Variants in CSMD2 observed in about 807,000 individuals in gnomAD.
The protein encoded by CSMD2 is CUB and Sushi multiple domains 2.
CSMD2 carries 130 observed loss-of-function variants against 398.5 expected under a neutral mutation model. The observed-to-expected ratio is 0.33, with a 90% CI of 0.28 to 0.38. The LOEUF (loss-of-function observed/expected upper bound fraction) is 0.38. Ranked by LOEUF, CSMD2 falls within the 10% of genes least tolerant of loss-of-function variation. The pLI is 1.00. For synonymous variants in CSMD2, 1,828 were observed against 1,908.5 expected, an observed-to-expected ratio of 0.96 and a Z score of 1.10; for missense variants, 3,829 against 4,764.9, an observed-to-expected ratio of 0.80 and a Z score of 5.78.
intron 48 of CSMD2, 103 bp downstream of exon 48, chr1:33,580,650 G>A (rs1346589558): frequency 3.1e-6 from 4 of 1,274,920 alleles, no homozygotes; most frequent in Non-Finnish European, 3.3e-6. Flanking sequence ...TTAGCTTCAG[G>A]TGAGGCAGAT....
At position 33,926,280 on chromosome 1, in the gene CSMD2, C is replaced by T. The variant is rs530700244; in HGVS notation, c.713-7979G>A. On this transcript the variant is annotated intron_variant, in intron 4 of 70. Transcript: ENST00000373381. Reference sequence around the variant, plus strand: ...GTTCCCAAGGTCACATAGGGAGTGGCTGAGTCAAGATTTCAGTTGAGTGTC... The same window carrying T: ...GTTCCCAAGGTCACATAGGGAGTGGTTGAGTCAAGATTTCAGTTGAGTGTC... 3.3e-5 allele frequency among the ~76,000 whole-genome samples: 5 copies of T among 152,306 alleles called. No individual in the cohort carries two copies. In the East Asian group the frequency reaches 7.7e-4, roughly 24 times the overall value.
chr1:33,811,705 T>C (rs1362108875), intron 9 of CSMD2, among the ~76,000 whole-genome samples: 1 of 152,220 alleles, frequency 6.6e-6, no homozygotes, highest in African/African-American at 2.4e-5. Flanking sequence ...TTAGATTAAG[T>C]AGTGATTTAT....
At chr1:33,646,961 C>T (rs1643468983) in intron 28 of CSMD2, 126 bp from the exon 29 acceptor site, 14 of 855,666 alleles carry the variant, frequency 1.6e-5, no homozygotes, top group Non-Finnish European at 2.5e-5. Flanking sequence ...TGGTACCCAA[C>T]CCCTGAAGAC....
intron 1 of CSMD2, among the ~76,000 whole-genome samples, chr1:34,160,665 A>G (rs1641247208): frequency 6.6e-6 from 1 of 152,234 alleles, no homozygotes; most frequent in African/African-American, 2.4e-5. Flanking sequence ...ATATGGGGAT[A>G]CCAAGAGAAA....
chr1:33,693,107 G>A (rs771407394), intron 24 of CSMD2, 51 bp from the exon 25 acceptor site: 2 of 1,535,754 alleles, frequency 1.3e-6, no homozygotes, highest in Admixed American at 2.2e-5. Context: ...TGAGCTGCCA[G>A]CAGTCACTCA....
intron 22 of CSMD2, among the ~76,000 whole-genome samples, chr1:33,708,591 C>CTTATTATCATTATTATTA: frequency 7.1e-6 from 1 of 141,084 alleles, no homozygotes; most frequent in South Asian, 2.4e-4. Context: ...TCCAACCGAA[C>CTTATTATCATTATTATTA]TTATTATTAT....
In CSMD2 at chr1:34,083,081, T is replaced by A. The variant is rs1389620703; in HGVS notation, c.404+5896A>T. Among the ~76,000 whole-genome samples the A allele has an allele frequency of 1.2e-3, 151 of 128,150 alleles. 3 individuals are homozygous for A. The East Asian group carries it at 0.026, about 22-fold the overall frequency. The allele number at this position is 128,150 out of a possible 152,430, so 84.1% of individuals were successfully genotyped here. ...AATGATCAATAAATACTAAAAAAAT[T>A]AAAAAAAAAAAAAAAGAAATCAAGG... On this transcript the variant is annotated intron_variant, in intron 2 of 70. Transcript: ENST00000373381.
intron 15 of CSMD2, among the ~76,000 whole-genome samples, chr1:33,732,790 G>A (rs1249388939): frequency 1.3e-5 from 2 of 152,200 alleles, no homozygotes; most frequent in African/African-American, 4.8e-5. Context: ...ATAGGGAATG[G>A]TGACAGAATA....
At chr1:33,741,025 C>T (rs1208445655) in intron 14 of CSMD2, among the ~76,000 whole-genome samples, 1 of 152,088 alleles carries the variant, frequency 6.6e-6, no homozygotes, top group African/African-American at 2.4e-5. Flanking sequence ...CCAGTGATGA[C>T]TGTTGAGTGC....
intron 1 of CSMD2, among the ~76,000 whole-genome samples, chr1:34,134,619 A>T (rs1638524579): frequency 6.6e-6 from 1 of 152,238 alleles, no homozygotes; most frequent in South Asian, 2.1e-4. Flanking sequence ...AAATAAAATA[A>T]AGATACCACA....
intron 6 of CSMD2, among the ~76,000 whole-genome samples, chr1:33,832,159 G>C (rs1277903592): frequency 7.4e-6 from 1 of 135,180 alleles, no homozygotes; most frequent in Non-Finnish European, 1.5e-5. Context: ...GCACCAAGTG[G>C]ACCTAATAGA....
chr1:33,768,567 TG>T (rs1650850784), intron 13 of CSMD2, among the ~76,000 whole-genome samples: 1 of 150,682 alleles, frequency 6.6e-6, no homozygotes, highest in Non-Finnish European at 1.5e-5. Context: ...TGTGTGTGTG[TG>T]TGTGTGTGTG....
intron 36 of CSMD2, 75 bp downstream of exon 36, chr1:33,623,295 A>G (rs1250613821): frequency 2.1e-6 from 2 of 953,034 alleles, no homozygotes; most frequent in Non-Finnish European, 3.4e-6. Context: ...AATAATAATA[A>G]TGATAATAAC....
At position 33,727,194 on chromosome 1, in the gene CSMD2, A is replaced by G. The variant is rs1214523358; in HGVS notation, c.2369-509T>C. ...CAACTGGGTATCCCCAGTATTGAGCATGGTGCTTGGCACACAGTTGTTTCT... is the reference window on the plus strand; with the variant it reads ...CAACTGGGTATCCCCAGTATTGAGCGTGGTGCTTGGCACACAGTTGTTTCT... On this transcript the variant is annotated intron_variant, in intron 15 of 70. Coordinates refer to ENST00000373381, the MANE Select transcript of CSMD2 (RefSeq NM_001281956.2). Among the ~76,000 whole-genome samples the G allele has an allele frequency of 2.0e-5, 3 of 152,202 alleles. No homozygotes were observed. In the East Asian group the frequency reaches 5.8e-4, roughly 29 times the overall value.
At position 33,724,641 on chromosome 1, in the gene CSMD2, C is replaced by T. The variant is rs868199766; in HGVS notation, c.2759G>A (p.Gly920Glu). 1 of 1,614,142 alleles carries T rather than the reference C, an allele frequency of 6.2e-7. No individual in the cohort carries two copies. The highest frequency in any genetic ancestry group is 8.5e-7 in the Non-Finnish European group (1 of 1,180,032). ...CAGCGCGCCCACGTAGAAGTCATTC[C>T]CATGACGCTGTCCATTTACTGGGAT... is the stretch of plus-strand genomic sequence containing the variant. ...PGIPVNGQRH[G>E]NDFYVGALVT... The change falls in exon 18 of 71, where the codon GGG becomes GAG. Residue 920 changes from glycine (G) to glutamate (E), a missense_variant. This residue lies in a region of CSMD2 where 2,001 missense variants were observed against 2,567.1 expected (regional missense o/e 0.78). Transcript: ENST00000373381.
chr1:33,600,693 C>A (rs1315480727), intron 44 of CSMD2, 172 bp downstream of exon 44: 3 of 658,560 alleles, frequency 4.6e-6, no homozygotes, highest in Non-Finnish European at 5.1e-6. Flanking sequence ...GCACTGAGAG[C>A]TCTCACATAG....
intron 4 of CSMD2, among the ~76,000 whole-genome samples, chr1:33,930,346 C>T (rs1644271157): frequency 1.3e-5 from 2 of 152,192 alleles, no homozygotes; most frequent in Admixed American, 1.3e-4. Flanking sequence ...TGAACCCAGG[C>T]CAGTCTGACT....
chr1:33,988,063 T>G (rs1646421528), intron 3 of CSMD2, among the ~76,000 whole-genome samples: 1 of 152,240 alleles, frequency 6.6e-6, no homozygotes, highest in Non-Finnish European at 1.5e-5. Flanking sequence ...AGACTTTTCT[T>G]GAGCTGGCTC....
chr1:33,757,679 T>G (rs1649232827), intron 13 of CSMD2, among the ~76,000 whole-genome samples: 1 of 152,368 alleles, frequency 6.6e-6, no homozygotes, highest in African/African-American at 2.4e-5. Flanking sequence ...CTCAAATGCA[T>G]GTCCAAAATT....
Sources: gnomAD v4.1 joint callset for allele counts (sites outside exome capture counted in the v4.1 genomes callset) on GRCh38, gnomAD v4.1.1 for gene constraint, gnomAD v4.1.1 regional missense constraint, MANE v1.5 for transcripts, NCBI Gene and HGNC (gene_info 2026-07-23, HGNC 2026-07-21) for gene names.